The following CLUL1 variants were observed in gnomAD, a reference collection of about 807,000 sequenced individuals.
The protein encoded by CLUL1 is clusterin like 1.
Under a neutral mutation model 49.4 loss-of-function variants are expected in CLUL1, and 43 were observed. That is an observed-to-expected ratio of 0.87 (90% CI 0.68 to 1.12). CLUL1 has a LOEUF of 1.12. Ranked by LOEUF, CLUL1 falls within the 50% of genes most tolerant of loss-of-function variation. The pLI is 0.00. For missense variants in CLUL1, 486 were observed against 544.4 expected (o/e 0.89, Z 1.07); for synonymous variants, 192 against 184.9 (o/e 1.04, Z -0.31).
At chr18:648,656 T>C (rs2074586864) in intron 9 of CLUL1, among the ~76,000 whole-genome samples, 1 of 152,186 alleles carries the variant, frequency 6.6e-6, no homozygotes, top group Admixed American at 6.5e-5. Context: ...TCTCAAATGC[T>C]AACTGGCATT....
At chr18:610,230 C>T (rs2073094299) in intron 2 of CLUL1, among the ~76,000 whole-genome samples, 1 of 152,172 alleles carries the variant, frequency 6.6e-6, no homozygotes, top group African/African-American at 2.4e-5. Context: ...CTTGTTTAGT[C>T]TACCGATTTC....
chr18:619,267 C>G lies in CLUL1; in HGVS notation c.161C>G (p.Thr54Ser). 1 of 1,613,798 alleles carries G rather than the reference C, an allele frequency of 6.2e-7. No homozygotes were observed. Among genetic ancestry groups the G allele is most frequent in the Non-Finnish European group, 8.5e-7 (1 of 1,179,888 alleles). Residue 54 changes from threonine to serine, a missense_variant, in exon 4 of 10, where the codon ACT (threonine) becomes AGT (serine). Transcript: ENST00000692774. ...DADEEVKKAL[T>S]GIKQMKIMME... ...GATGAAGAGGTGAAGAAGGCTTTGA[C>G]TGGTATTAAGCAAATGAAAATCATG...
Position 627,253 on chromosome 18 carries a change from C to T in CLUL1, c.580C>T (p.Leu194Phe), listed in dbSNP as rs1339443860. Residue 194 changes from leucine to phenylalanine, a missense_variant, in exon 6 of 10, where the codon CTC becomes TTC. Leu to Phe is a conservative substitution (Grantham distance 22). Coordinates refer to ENST00000692774, the MANE Select transcript of CLUL1 (RefSeq NM_001393344.1). Reference protein sequence around the residue: ...FSQLTVDVNSLFNRSFNVFRQ... With the variant: ...FSQLTVDVNSFFNRSFNVFRQ... ...CCAGTTGACTGTGGATGTGAATTCT[C>T]TCTTTAACAGGAGTTTTAACGTCTT... The T allele has an allele frequency of 6.2e-7, 1 of 1,614,018 alleles. No individual in the cohort carries two copies. Among genetic ancestry groups the T allele is most frequent in the Non-Finnish European group, 8.5e-7 (1 of 1,180,016 alleles).
intron 9 of CLUL1, among the ~76,000 whole-genome samples, chr18:646,493 GATAGACACACACAC>G (rs2074511720): frequency 9.6e-6 from 1 of 104,490 alleles, no homozygotes; most frequent in African/African-American, 3.4e-5. Context: ...AAGACAGATA[GATAGACACACACAC>G]ACACACACAC....
intron 2 of CLUL1, among the ~76,000 whole-genome samples, chr18:607,683 G>A (rs555777550): frequency 1.6e-4 from 25 of 151,724 alleles, no homozygotes; most frequent in Non-Finnish European, 2.8e-4. Flanking sequence ...CCACATTGGC[G>A]TCCCAAAGTG....
chr18:619,565 C>A (rs554607682), intron 4 of CLUL1, among the ~76,000 whole-genome samples: 162 of 152,226 alleles, frequency 1.1e-3, no homozygotes, highest in African/African-American at 3.9e-3. Flanking sequence ...AAGACTCCAA[C>A]CCGGAATCTG....
chr18:610,234 C>T (rs552095489), intron 2 of CLUL1, among the ~76,000 whole-genome samples: 2 of 152,232 alleles, frequency 1.3e-5, no homozygotes, highest in African/African-American at 2.4e-5. Flanking sequence ...TTTAGTCTAC[C>T]GATTTCTATT....
chr18:615,146 T>C (rs1423295816), intron 2 of CLUL1, among the ~76,000 whole-genome samples: 4 of 152,170 alleles, frequency 2.6e-5, no homozygotes, highest in African/African-American at 9.7e-5. Flanking sequence ...TCCCCTTAAA[T>C]CTTGAGCATA....
At chr18:633,706 G>A (rs1365338281) in intron 7 of CLUL1, among the ~76,000 whole-genome samples, 3 of 152,138 alleles carry the variant, frequency 2.0e-5, no homozygotes, top group Non-Finnish European at 4.4e-5. Flanking sequence ...GGGTTAGACC[G>A]CACAGGCTAG....
At chr18:624,387 C>G (rs1459652235) in intron 4 of CLUL1, among the ~76,000 whole-genome samples, 2 of 152,018 alleles carry the variant, frequency 1.3e-5, no homozygotes, top group African/African-American at 4.8e-5. Context: ...AAGAATTGTA[C>G]TTTCTTGCAA....
chr18:619,253 G>A lies in CLUL1; in HGVS notation c.147G>A (p.Val49=), dbSNP rs749595428. ...EVGEIDADEE[V]KKALTGIKQM... ...GGGAGATAGATGCAGATGAAGAGGT[G>A]AAGAAGGCTTTGACTGGTATTAAGC... The change falls in exon 4 of 10, where the codon GTG becomes GTA. Residue 49 remains valine, a synonymous_variant. Coordinates refer to ENST00000692774, the MANE Select transcript of CLUL1 (RefSeq NM_001393344.1). The A allele has an allele frequency of 1.9e-6, 3 of 1,614,024 alleles. No homozygotes were observed.
intron 2 of CLUL1, chr18:613,041 A>C: frequency 3.1e-6 from 1 of 318,392 alleles, no homozygotes; most frequent in Non-Finnish European, 5.7e-6. Context: ...TAATTTTCTC[A>C]TTTTGTATTC....
At position 619,664 on chromosome 18, in the gene CLUL1, G is replaced by C. The variant is rs150276439; in HGVS notation, c.255+303G>C. 5.5e-3 allele frequency among the ~76,000 whole-genome samples: 722 copies of C among 131,902 alleles called. 3 individuals carry two copies. Among genetic ancestry groups the C allele is most frequent in the African/African-American group, 0.019 (677 of 34,740 alleles). 86.5% of individuals were successfully genotyped at this position (131,902 alleles called of 152,430 possible). ...TTAGGATATTGAGTCAAAAGTATTTGAAGAGTTTTTTTTTTTACTAGATCA... is the reference window on the plus strand; with the variant it reads ...TTAGGATATTGAGTCAAAAGTATTTCAAGAGTTTTTTTTTTTACTAGATCA... On this transcript the variant is annotated intron_variant, in intron 4 of 9. Coordinates refer to ENST00000692774, the MANE Select transcript of CLUL1 (RefSeq NM_001393344.1).
Position 618,193 on chromosome 18 carries a change from A to G in CLUL1, c.106+87A>G, listed in dbSNP as rs12458053. The G allele has an allele frequency of 1.0e-6, 1 of 988,674 alleles. No homozygotes were observed. Among genetic ancestry groups the G allele is most frequent in the Non-Finnish European group, 1.6e-6 (1 of 631,166 alleles). 61.2% of individuals were successfully genotyped at this position (988,674 alleles called of 1,614,324 possible). A position where few individuals can be genotyped will look rare whatever the true frequency, so the allele number is the denominator to read the frequency against. On this transcript the variant is annotated intron_variant, in intron 3 of 9. Transcript: ENST00000692774. This position sits in a 1 kb window ranked among gnomAD's most constrained non-coding sequence, Gnocchi z 4.2. ...TATAGTGAGTCGCAGTTGAGAGATA[A>G]CCATATTCGCTGTTTTCACGGTGAA... is the stretch of plus-strand genomic sequence containing the variant.
At position 618,528 on chromosome 18, in the gene CLUL1, G is replaced by T. The variant is rs1277850406; in HGVS notation, c.106+422G>T. 6.6e-6 allele frequency among the ~76,000 whole-genome samples: 1 copy of T among 152,150 alleles called. No homozygotes were observed. Among genetic ancestry groups the T allele is most frequent in the Non-Finnish European group, 1.5e-5 (1 of 68,030 alleles). ...TTACGTTGAATCTGGTTGTTCTGTG[G>T]CCATTAACTTGCAACTTTGCTTGGT... On this transcript the variant is annotated intron_variant, in intron 3 of 9. Transcript: ENST00000692774. The surrounding 1 kb of genome is among the most constrained non-coding windows in gnomAD (Gnocchi z 4.2).
At chr18:645,810 A>AATATATATATATATAT (rs35329822) in intron 9 of CLUL1, among the ~76,000 whole-genome samples, 1 of 29,872 alleles carries the variant, frequency 3.3e-5, no homozygotes. Context: ...AAAAAAAAAA[A>AATATATATATATATAT]ATATATATAT....
chr18:646,036 C>G (rs968603855), intron 9 of CLUL1, among the ~76,000 whole-genome samples: 2 of 151,118 alleles, frequency 1.3e-5, no homozygotes, highest in Non-Finnish European at 2.9e-5. Context: ...CATGATTTTT[C>G]AGAAAAAGAT....
chr18:611,042 G>T (rs181810659), intron 2 of CLUL1, among the ~76,000 whole-genome samples: 1 of 151,938 alleles, frequency 6.6e-6, no homozygotes, highest in Admixed American at 6.6e-5. Flanking sequence ...CCTTCTGGCC[G>T]GTCCCAAGTC....
At chr18:604,459 GC>G (rs1291472260) in intron 1 of CLUL1, among the ~76,000 whole-genome samples, 1 of 152,154 alleles carries the variant, frequency 6.6e-6, no homozygotes, top group Non-Finnish European at 1.5e-5. Context: ...ATGAAGAGTG[GC>G]ATAAGTAGTA....
Sources: allele counts gnomAD v4.1 joint callset (sites outside exome capture counted in the v4.1 genomes callset), GRCh38; gene constraint gnomAD v4.1.1; non-coding constraint Gnocchi (gnomAD v3.1); transcripts MANE v1.5; gene names NCBI Gene and HGNC (gene_info 2026-07-23, HGNC 2026-07-21).